NCOA2: variants seen among roughly 807,000 people sequenced by gnomAD.
The protein encoded by NCOA2 is nuclear receptor coactivator 2.
NCOA2 carries 21 observed loss-of-function variants against 145.1 expected under a neutral mutation model. That is an observed-to-expected ratio of 0.14 (90% CI 0.10 to 0.21). The LOEUF (loss-of-function observed/expected upper bound fraction) is 0.21, where lower values mean the gene tolerates loss of function less well. Ranked by LOEUF, NCOA2 falls within the 10% of genes least tolerant of loss-of-function variation. The probability of loss-of-function intolerance (pLI) is 1.00; values close to 1 mark genes in which losing one functional copy is unlikely to be tolerated. For missense variants in NCOA2, 1,472 were observed against 1,837.6 expected, an observed-to-expected ratio of 0.80 and a Z score of 3.64; for synonymous variants, 619 against 637.5, an observed-to-expected ratio of 0.97 and a Z score of 0.44.
the NCOA2 span, among the ~76,000 whole-genome samples, chr8:70,417,443 G>T: frequency 6.6e-6 from 1 of 151,976 alleles, no homozygotes; most frequent in South Asian, 2.1e-4. Flanking sequence ...CAGCTATTCG[G>T]GAAGCTGAGG....
intron 2 of NCOA2, among the ~76,000 whole-genome samples, chr8:70,225,510 T>C (rs1320358868): frequency 1.3e-5 from 2 of 150,100 alleles, no homozygotes; most frequent in African/African-American, 2.5e-5. Flanking sequence ...GATTGTGCCA[T>C]TGCACTCCAG....
At chr8:70,131,050 C>T (rs1011030603) in intron 16 of NCOA2, among the ~76,000 whole-genome samples, 1 of 152,208 alleles carries the variant, frequency 6.6e-6, no homozygotes, top group African/African-American at 2.4e-5. Context: ...TAAATAAGCT[C>T]ACTAAGATTA....
chr8:70,444,604 T>C, the NCOA2 span, among the ~76,000 whole-genome samples: 1 of 152,202 alleles, frequency 6.6e-6, no homozygotes, highest in African/African-American at 2.4e-5. Context: ...TGCAAGACAT[T>C]GTCATTGAGG....
intron 2 of NCOA2, among the ~76,000 whole-genome samples, chr8:70,250,333 C>T (rs1823038942): frequency 7.4e-6 from 1 of 135,730 alleles, no homozygotes; most frequent in South Asian, 2.3e-4. Context: ...CCAAGGTCTG[C>T]AGTGAGCCAT....
At chr8:70,450,573 C>CTTTTTTTTTTTTTTTTTTTTTT in the NCOA2 span, among the ~76,000 whole-genome samples, 34 of 94,652 alleles carry the variant, frequency 3.6e-4, 2 homozygotes, top group East Asian at 1.2e-3. Context: ...TCTTTTTATT[C>CTTTTTTTTTTTTTTTTTTTTTT]TTTTTTTTTT....
intron 22 of NCOA2, among the ~76,000 whole-genome samples, chr8:70,114,561 C>T (rs945413702): frequency 6.6e-6 from 1 of 152,198 alleles, no homozygotes; most frequent in Non-Finnish European, 1.5e-5. Context: ...CACAACAAGA[C>T]ATTCTTGGTC....
intron 1 of NCOA2, among the ~76,000 whole-genome samples, chr8:70,349,759 T>C (rs1296663003): frequency 6.6e-6 from 1 of 152,174 alleles, no homozygotes; most frequent in Non-Finnish European, 1.5e-5. Context: ...TATTCTATTA[T>C]GTATGTATCA....
chr8:70,422,401 G>GTT, the NCOA2 span, among the ~76,000 whole-genome samples: 50 of 144,910 alleles, frequency 3.5e-4, no homozygotes, highest in Admixed American at 1.4e-3. Context: ...AAAATGCTGT[G>GTT]TTTTTTTTTT....
At chr8:70,443,949 A>G in the NCOA2 span, among the ~76,000 whole-genome samples, 2 of 152,200 alleles carry the variant, frequency 1.3e-5, no homozygotes, top group East Asian at 1.9e-4. Flanking sequence ...AATTGTATAG[A>G]ACTAAGCATG....
At chr8:70,127,282 T>G (rs1163383226) in intron 18 of NCOA2, among the ~76,000 whole-genome samples, 1 of 152,174 alleles carries the variant, frequency 6.6e-6, no homozygotes, top group Non-Finnish European at 1.5e-5. Context: ...AGAGTTAAGT[T>G]TGATGCTAAT....
intron 1 of NCOA2, among the ~76,000 whole-genome samples, chr8:70,352,409 G>A (rs1182198562): frequency 6.6e-6 from 1 of 152,126 alleles, no homozygotes; most frequent in Admixed American, 6.5e-5. Flanking sequence ...ATAAAGCTAA[G>A]TCCCCACAGA....
At chr8:70,142,682 A>G (rs940662211) in intron 13 of NCOA2, among the ~76,000 whole-genome samples, 2 of 152,146 alleles carry the variant, frequency 1.3e-5, no homozygotes, top group African/African-American at 2.4e-5. Flanking sequence ...CTGGGTGACA[A>G]AGTAAGACTC....
intron 8 of NCOA2, 112 bp from the exon 9 acceptor site, chr8:70,162,966 G>T: frequency 9.0e-7 from 1 of 1,105,608 alleles, no homozygotes; most frequent in Non-Finnish European, 1.2e-6. Context: ...CCAGGCTGGA[G>T]TGCAGTGGTG....
upstream of NCOA2, among the ~76,000 whole-genome samples, chr8:70,406,699 A>C (rs1245218130): frequency 1.3e-5 from 2 of 152,232 alleles, no homozygotes; most frequent in East Asian, 1.9e-4. Context: ...ACCTAGGAAT[A>C]ATCAGAACAA....
chr8:70,124,869 A>T lies in NCOA2; in HGVS notation c.3917-4T>A, dbSNP rs763571334. 15 of 1,100,084 alleles carry T rather than the reference A, an allele frequency of 1.4e-5. No individual in the cohort carries two copies. In the South Asian group the frequency reaches 1.8e-4, roughly 13 times the overall value. The allele number at this position is 1,100,084 out of a possible 1,614,324, so 68.1% of individuals were successfully genotyped here. A position where few individuals can be genotyped will look rare whatever the true frequency, so the allele number is the denominator to read the frequency against. ...GGATCAGGTTGCTGACTTATTCCTT[A>T]AAAAAAAAAACAGAAACAGAAATCC... On this transcript the variant is annotated splice_polypyrimidine_tract_variant and splice_region_variant and intron_variant, in intron 19 of 22. Coordinates refer to ENST00000452400, the MANE Select transcript of NCOA2 (RefSeq NM_006540.4).
At chr8:70,244,880 A>C (rs1329907511) in intron 2 of NCOA2, 1 of 152,112 alleles carries the variant, frequency 6.6e-6, no homozygotes, top group African/African-American at 2.4e-5. Context: ...TGTTCCTGAG[A>C]ACATTATCAC....
chr8:70,350,294 T>C (rs1407575961), intron 1 of NCOA2, among the ~76,000 whole-genome samples: 3 of 152,174 alleles, frequency 2.0e-5, no homozygotes, highest in Non-Finnish European at 2.9e-5. Flanking sequence ...TTATAATTCA[T>C]GTGATTTTTT....
At chr8:70,309,142 G>C (rs1432772926) in intron 1 of NCOA2, among the ~76,000 whole-genome samples, 1 of 152,060 alleles carries the variant, frequency 6.6e-6, no homozygotes, top group Non-Finnish European at 1.5e-5. Flanking sequence ...TATGAAAAAA[G>C]AGAATTAAAT....
chr8:70,192,455 G>A (rs1172388915), intron 4 of NCOA2, among the ~76,000 whole-genome samples: 1 of 152,234 alleles, frequency 6.6e-6, no homozygotes, highest in Non-Finnish European at 1.5e-5. Flanking sequence ...GCCCTTAGTA[G>A]CTCCTGGCTT....
Sources: allele counts gnomAD v4.1 joint callset (sites outside exome capture counted in the v4.1 genomes callset), GRCh38; gene constraint gnomAD v4.1.1; transcripts MANE v1.5; gene names NCBI Gene and HGNC (gene_info 2026-07-23, HGNC 2026-07-21).